Variants in NBAS observed in about 807,000 individuals in gnomAD.
NBAS encodes the protein NBAS subunit of NRZ tethering complex.
Under a neutral mutation model 302.5 loss-of-function variants are expected in NBAS, and 219 were observed. The ratio of observed to expected loss-of-function variants is 0.72; its 90% CI spans 0.65 to 0.81. The LOEUF is 0.81. Among genes scored for constraint, NBAS ranks in the 30% least tolerant of loss-of-function variants. NBAS has a pLI of 0.00. For missense variants in NBAS, 2,932 were observed against 2,841.6 expected (o/e 1.03, Z -0.72); for synonymous variants, 1,118 against 1,021.6 (o/e 1.09, Z -1.80).
rs2148704923 is a variant in NBAS, at chr2:15,548,351, A to T, written c.379+3142T>A. ...CCGACAAGCAAATCAACAATTAAAA[A>T]AGAAATCAGGCAAGGCACAGTGGCT... On this transcript the variant is annotated intron_variant, in intron 6 of 51. Coordinates refer to ENST00000281513, the MANE Select transcript of NBAS (RefSeq NM_015909.4). Among the ~76,000 whole-genome samples the T allele has an allele frequency of 1.3e-5, 2 of 152,348 alleles. 1 individual carries two copies. The highest frequency in any genetic ancestry group is 4.1e-4 in the South Asian group (2 of 4,828).
intron 48 of NBAS, among the ~76,000 whole-genome samples, chr2:15,214,396 T>C (rs1011465113): frequency 3.9e-5 from 6 of 152,210 alleles, no homozygotes; most frequent in African/African-American, 1.4e-4. Flanking sequence ...CTGAGGTGGT[T>C]AATTTAGGCT....
the NBAS span, among the ~76,000 whole-genome samples, chr2:14,964,678 G>A: frequency 6.6e-6 from 1 of 152,036 alleles, no homozygotes; most frequent in Non-Finnish European, 1.5e-5. Flanking sequence ...AATATAGATG[G>A]CTTGAAAATA....
intron 48 of NBAS, among the ~76,000 whole-genome samples, chr2:15,205,584 A>G (rs1349877679): frequency 6.6e-6 from 1 of 152,162 alleles, no homozygotes; most frequent in Non-Finnish European, 1.5e-5. Flanking sequence ...TTCCATGCCA[A>G]TGGAAACCAG....
At chr2:15,283,450 T>C (rs1366354572) in intron 42 of NBAS, among the ~76,000 whole-genome samples, 1 of 152,124 alleles carries the variant, frequency 6.6e-6, no homozygotes, top group Non-Finnish European at 1.5e-5. Flanking sequence ...GAGTGAGTTC[T>C]CATGAGATCT....
At chr2:14,946,831 T>A in the NBAS span, among the ~76,000 whole-genome samples, 1 of 152,124 alleles carries the variant, frequency 6.6e-6, no homozygotes, top group Non-Finnish European at 1.5e-5. Flanking sequence ...TATCAAGTAT[T>A]TTTTCTGACT....
chr2:15,252,167 G>A (rs888585414), intron 44 of NBAS, among the ~76,000 whole-genome samples: 16 of 152,156 alleles, frequency 1.1e-4, no homozygotes, highest in African/African-American at 2.9e-4. Context: ...CTACTTCACC[G>A]CTGTGAAATC....
chr2:14,908,129 C>G, the NBAS span, among the ~76,000 whole-genome samples: 10 of 152,218 alleles, frequency 6.6e-5, no homozygotes, highest in East Asian at 1.6e-3. Context: ...TTTGGGAGGC[C>G]GAGGCAGGCG....
the NBAS span, among the ~76,000 whole-genome samples, chr2:15,063,282 T>G: frequency 1.7e-4 from 26 of 152,070 alleles, no homozygotes; most frequent in African/African-American, 6.3e-4. Flanking sequence ...CTTTTTGAAT[T>G]TCTAGAAATG....
the NBAS span, among the ~76,000 whole-genome samples, chr2:14,790,802 C>T: frequency 6.6e-6 from 1 of 152,014 alleles, no homozygotes; most frequent in Admixed American, 6.6e-5. Flanking sequence ...CAGGCATGTG[C>T]CACCACACCC....
At chr2:14,939,053 C>T in the NBAS span, among the ~76,000 whole-genome samples, 9 of 152,360 alleles carry the variant, frequency 5.9e-5, no homozygotes, top group South Asian at 1.9e-3. Context: ...CACAACTTCA[C>T]TTCCTCACCA....
chr2:14,964,031 T>C, the NBAS span, among the ~76,000 whole-genome samples: 1 of 152,218 alleles, frequency 6.6e-6, no homozygotes, highest in Non-Finnish European at 1.5e-5. Context: ...AAAAATCAAA[T>C]TGTTTCTAAG....
the NBAS span, among the ~76,000 whole-genome samples, chr2:14,873,038 G>T: frequency 1.3e-5 from 2 of 152,236 alleles, no homozygotes. Flanking sequence ...TGCGGAAGGG[G>T]ACTCTCGGCA....
intron 48 of NBAS, among the ~76,000 whole-genome samples, chr2:15,207,051 C>G (rs1478856901): frequency 1.3e-5 from 2 of 152,158 alleles, no homozygotes; most frequent in Admixed American, 6.5e-5. Context: ...TTGCACTGTG[C>G]ACCTGAAAAA....
chr2:15,186,252 C>T (rs918103829), intron 50 of NBAS, among the ~76,000 whole-genome samples: 1 of 151,634 alleles, frequency 6.6e-6, no homozygotes, highest in Non-Finnish European at 1.5e-5. Flanking sequence ...AAATAGAGAA[C>T]AAAGGTCAAA....
chr2:15,039,030 T>C, the NBAS span, among the ~76,000 whole-genome samples: 1 of 152,188 alleles, frequency 6.6e-6, no homozygotes, highest in Non-Finnish European at 1.5e-5. Context: ...GGAATAAATA[T>C]TTGTAATGGT....
At chr2:14,902,501 G>T in the NBAS span, among the ~76,000 whole-genome samples, 12 of 152,176 alleles carry the variant, frequency 7.9e-5, no homozygotes, top group Non-Finnish European at 1.8e-4. Flanking sequence ...GAGAAAAACA[G>T]AGAGATACAC....
At position 15,339,456 on chromosome 2, in the gene NBAS, C is replaced by T. The variant is rs557794275; in HGVS notation, c.4180-8691G>A. Among the ~76,000 whole-genome samples the T allele has an allele frequency of 2.0e-5, 3 of 152,316 alleles. No homozygotes were observed. In the East Asian group the frequency reaches 5.8e-4, roughly 29 times the overall value. ...CCATTTCACAGCAGAACTTACCCCA[C>T]TCATCACATCCATATCTTACTTTCC... On this transcript the variant is annotated intron_variant, in intron 35 of 51. Transcript: ENST00000281513.
downstream of NBAS, among the ~76,000 whole-genome samples, chr2:15,163,236 T>C (rs1048937341): frequency 6.6e-6 from 1 of 152,200 alleles, no homozygotes; most frequent in Non-Finnish European, 1.5e-5. Context: ...GAGAGATCCA[T>C]CACTTTCCAA....
the NBAS span, among the ~76,000 whole-genome samples, chr2:15,154,003 C>T: frequency 6.6e-6 from 1 of 152,212 alleles, no homozygotes; most frequent in Non-Finnish European, 1.5e-5. Context: ...GATGCTGGCA[C>T]TCTGAAGCCT....
Sources: allele counts gnomAD v4.1 joint callset (sites outside exome capture counted in the v4.1 genomes callset), GRCh38; gene constraint gnomAD v4.1.1; transcripts MANE v1.5; gene names NCBI Gene and HGNC (gene_info 2026-07-23, HGNC 2026-07-21).